SYNE3: variants seen among roughly 807,000 people sequenced by gnomAD.
The protein encoded by SYNE3 is spectrin repeat containing nuclear envelope family member 3, also known as nesprin-3.
A neutral mutation model predicts 111.2 loss-of-function variants in SYNE3; 100 were observed. The ratio of observed to expected loss-of-function variants is 0.90; its 90% CI spans 0.77 to 1.06. The LOEUF (loss-of-function observed/expected upper bound fraction) is 1.06, where lower values mean the gene tolerates loss of function less well. Among genes scored for constraint, SYNE3 ranks in the 50% least tolerant of loss-of-function variants. The pLI, the probability that SYNE3 is intolerant of heterozygous loss-of-function variation, is 0.00. For missense variants in SYNE3, 1,160 were observed against 1,240.3 expected, an observed-to-expected ratio of 0.94 and a Z score of 0.97; for synonymous variants, 547 against 533.9, an observed-to-expected ratio of 1.02 and a Z score of -0.34.
chr14:95,425,141 G>A (rs1001385677), intron 17 of SYNE3, among the ~76,000 whole-genome samples: 2 of 152,128 alleles, frequency 1.3e-5, no homozygotes, highest in African/African-American at 4.8e-5. Flanking sequence ...AGCTACTCAG[G>A]GGGCTGGGGC....
intron 1 of SYNE3, among the ~76,000 whole-genome samples, chr14:95,506,768 C>A (rs1390388950): frequency 6.6e-6 from 1 of 152,164 alleles, no homozygotes; most frequent in Non-Finnish European, 1.5e-5. Flanking sequence ...CTCATATGAG[C>A]CTCACAGTGA....
At chr14:95,489,578 T>C (rs1889737882) in intron 1 of SYNE3, among the ~76,000 whole-genome samples, 1 of 150,978 alleles carries the variant, frequency 6.6e-6, no homozygotes, top group African/African-American at 2.5e-5. Context: ...CTACAATACC[T>C]ACCTCGGTTG....
intron 2 of SYNE3, among the ~76,000 whole-genome samples, chr14:95,469,242 C>T (rs957023471): frequency 1.3e-5 from 2 of 152,096 alleles, no homozygotes; most frequent in African/African-American, 4.8e-5. Flanking sequence ...TTCCCCATGG[C>T]TGGGGTGAAG....
At chr14:95,440,926 C>A (rs1001925193) in intron 11 of SYNE3, among the ~76,000 whole-genome samples, 2 of 152,198 alleles carry the variant, frequency 1.3e-5, no homozygotes, top group African/African-American at 4.8e-5. Flanking sequence ...TTCAGTCTTT[C>A]TTTGTTCTTT....
chr14:95,434,291 G>A (rs1413313264), intron 15 of SYNE3, among the ~76,000 whole-genome samples: 1 of 152,218 alleles, frequency 6.6e-6, no homozygotes, highest in Non-Finnish European at 1.5e-5. Context: ...GGCAGTCAGT[G>A]CTGTGTTCAG....
At chr14:95,465,395 G>A (rs1378852748) in intron 4 of SYNE3, among the ~76,000 whole-genome samples, 1 of 152,170 alleles carries the variant, frequency 6.6e-6, no homozygotes, top group Non-Finnish European at 1.5e-5. Context: ...GGGTAGCTAG[G>A]TGGGTGGATG....
chr14:95,451,149 G>T (rs1887049551), intron 7 of SYNE3: 1 of 152,142 alleles, frequency 6.6e-6, no homozygotes, highest in Non-Finnish European at 1.5e-5. Flanking sequence ...ATGAAGCTGG[G>T]ATCGCAAAGG....
At chr14:95,445,260 A>G (rs1886645361) in intron 9 of SYNE3, among the ~76,000 whole-genome samples, 1 of 152,172 alleles carries the variant, frequency 6.6e-6, no homozygotes, top group East Asian at 1.9e-4. Context: ...CCCCATATGG[A>G]CCATGAGCCA....
chr14:95,464,811 G>A (rs1225225802), intron 4 of SYNE3, among the ~76,000 whole-genome samples: 2 of 152,368 alleles, frequency 1.3e-5, no homozygotes, highest in African/African-American at 4.8e-5. Context: ...AATCTACCAT[G>A]TCAGGGGACA....
At chr14:95,449,281 C>T (rs979911812) in intron 8 of SYNE3, among the ~76,000 whole-genome samples, 3 of 138,214 alleles carry the variant, frequency 2.2e-5, no homozygotes, top group Admixed American at 7.0e-5. Flanking sequence ...TCATCCTTGC[C>T]GATGATTGGG....
chr14:95,447,567 C>G (rs1886794207), intron 8 of SYNE3, among the ~76,000 whole-genome samples: 1 of 152,196 alleles, frequency 6.6e-6, no homozygotes, highest in African/African-American at 2.4e-5. Context: ...CCTTGAAGGG[C>G]AGGTGTTTCT....
intron 1 of SYNE3, among the ~76,000 whole-genome samples, chr14:95,477,560 C>G (rs1179381082): frequency 6.6e-5 from 10 of 152,136 alleles, no homozygotes; most frequent in Non-Finnish European, 1.0e-4. Flanking sequence ...AGGCCCTGCA[C>G]GGGGCCAGAA....
At chr14:95,440,217 T>C (rs1886339883) in intron 11 of SYNE3, 142 bp from the exon 12 acceptor site, 4 of 902,058 alleles carry the variant, frequency 4.4e-6, no homozygotes, top group African/African-American at 1.7e-5. Flanking sequence ...GAGGCTGGGC[T>C]GGCCCTTCCC....
intron 17 of SYNE3, chr14:95,430,004 A>AAGGGAGGGAGGG (rs1407838706): frequency 5.5e-6 from 1 of 180,926 alleles, no homozygotes; most frequent in Non-Finnish European, 9.9e-6. Context: ...GGAAGGAAAG[A>AAGGGAGGGAGGG]AGGGAGGGAG....
In SYNE3 at chr14:95,470,358, G is replaced by A. The variant is rs1649169036; in HGVS notation, c.145-2391C>T. On this transcript the variant is annotated intron_variant, in intron 2 of 17. Transcript: ENST00000682763. The surrounding 1 kb of genome is among the most constrained non-coding windows in gnomAD (Gnocchi z 4.2). Reference sequence around the variant, plus strand: ...GATTAAAAATAATAGTAGACCAGGCGTGGTGACTCATGCCTGTAATCCCAG... The same window carrying A: ...GATTAAAAATAATAGTAGACCAGGCATGGTGACTCATGCCTGTAATCCCAG... Among the ~76,000 whole-genome samples the A allele has an allele frequency of 2.0e-5, 3 of 152,262 alleles. No individual in the cohort carries two copies. Among genetic ancestry groups the A allele is most frequent in the South Asian group, 2.1e-4 (1 of 4,818 alleles).
In SYNE3 at chr14:95,481,971, G is replaced by A. The variant is rs182446459; in HGVS notation, c.-14-6136C>T. Among the ~76,000 whole-genome samples, 18 of 152,328 alleles carry A rather than the reference G, an allele frequency of 1.2e-4. 1 individual carries two copies. Among genetic ancestry groups the A allele is most frequent in the African/African-American group, 4.3e-4 (18 of 41,574 alleles). ...GAGGGCCCTGTGTCCTGGGGTCGCT[G>A]GGTCCAGACCTCTCTCCCTCCCTTC... On this transcript the variant is annotated intron_variant, in intron 1 of 17. Transcript: ENST00000682763.
chr14:95,465,820 T>G (rs1429055612), intron 4 of SYNE3, 111 bp downstream of exon 4: 1 of 1,155,070 alleles, frequency 8.7e-7, no homozygotes, highest in African/African-American at 1.6e-5. Context: ...AAAGATAGAT[T>G]GATAGTAGGT....
At chr14:95,510,875 C>T (rs1890699610) in intron 1 of SYNE3, among the ~76,000 whole-genome samples, 1 of 152,222 alleles carries the variant, frequency 6.6e-6, no homozygotes, top group Non-Finnish European at 1.5e-5. Context: ...AGTGGGCTTC[C>T]TTGCAGGAGA....
intron 1 of SYNE3, among the ~76,000 whole-genome samples, chr14:95,482,378 G>A (rs2139539256): frequency 6.6e-6 from 1 of 152,334 alleles, no homozygotes. Context: ...AGGTTGCACT[G>A]AGAAGAGATT....
Sources: gnomAD v4.1 joint callset for allele counts (sites outside exome capture counted in the v4.1 genomes callset) on GRCh38, gnomAD v4.1.1 for gene constraint, Gnocchi (gnomAD v3.1) non-coding constraint, MANE v1.5 for transcripts, NCBI Gene and HGNC (gene_info 2026-07-23, HGNC 2026-07-21) for gene names.